The following REDIC1 variants were observed in gnomAD, a reference collection of about 807,000 sequenced individuals.
REDIC1 encodes HEI10 Interacting Protein 1.
At chr12:39,713,693 G>C in the REDIC1 span, among the ~76,000 whole-genome samples, 1 of 144,298 alleles carries the variant, frequency 6.9e-6, no homozygotes. Flanking sequence ...CTGTATACAT[G>C]CGTATATACA....
the REDIC1 span, chr12:39,646,933 A>G: frequency 3.4e-5 from 43 of 1,255,986 alleles, no homozygotes; most frequent in Non-Finnish European, 4.6e-5. Flanking sequence ...AGCAATTGTG[A>G]TATGCTACCT....
At chr12:39,781,836 C>A in the REDIC1 span, among the ~76,000 whole-genome samples, 4 of 152,148 alleles carry the variant, frequency 2.6e-5, no homozygotes, top group Admixed American at 2.6e-4. Flanking sequence ...GGCTCATATA[C>A]GGCCCTCACA....
At chr12:39,772,578 T>C in the REDIC1 span, among the ~76,000 whole-genome samples, 5 of 150,792 alleles carry the variant, frequency 3.3e-5, no homozygotes, top group Non-Finnish European at 7.4e-5. Flanking sequence ...TTTTGAGTCA[T>C]GAAGATTTAA....
At chr12:39,697,491 ACTC>A in the REDIC1 span, among the ~76,000 whole-genome samples, 1 of 152,252 alleles carries the variant, frequency 6.6e-6, no homozygotes, top group Non-Finnish European at 1.5e-5. Flanking sequence ...TGTGTAAACT[ACTC>A]ATATCTGAAG....
chr12:39,790,843 A>C, the REDIC1 span, among the ~76,000 whole-genome samples: 23 of 49,812 alleles, frequency 4.6e-4, no homozygotes, highest in African/African-American at 1.2e-3. Flanking sequence ...CCAACAGTGT[A>C]AAAGTGTTCC....
the REDIC1 span, among the ~76,000 whole-genome samples, chr12:39,858,436 G>T: frequency 6.6e-6 from 1 of 151,892 alleles, no homozygotes; most frequent in Non-Finnish European, 1.5e-5. Context: ...TCATTTTATA[G>T]GAAATTAGTA....
At chr12:39,896,213 T>A in the REDIC1 span, among the ~76,000 whole-genome samples, 1 of 148,680 alleles carries the variant, frequency 6.7e-6, no homozygotes, top group Non-Finnish European at 1.5e-5. Flanking sequence ...TACATGTATA[T>A]ACGTATACAT....
chr12:39,764,341 G>C, the REDIC1 span: 1 of 887,724 alleles, frequency 1.1e-6, no homozygotes, highest in Non-Finnish European at 1.6e-6. Context: ...AAGCCACATG[G>C]AGATACTTAT....
chr12:39,802,652 T>C, the REDIC1 span, among the ~76,000 whole-genome samples: 1 of 152,178 alleles, frequency 6.6e-6, no homozygotes, highest in Admixed American at 6.5e-5. Flanking sequence ...ACTATATGTA[T>C]ATATAGTTAC....
At chr12:39,824,385 A>AT in the REDIC1 span, among the ~76,000 whole-genome samples, 1 of 152,114 alleles carries the variant, frequency 6.6e-6, no homozygotes, top group Non-Finnish European at 1.5e-5. Flanking sequence ...GGTGGGTGGC[A>AT]TGAGCCAGAT....
At chr12:39,730,908 G>A in the REDIC1 span, among the ~76,000 whole-genome samples, 1 of 151,968 alleles carries the variant, frequency 6.6e-6, no homozygotes. Context: ...AGTTGATCTT[G>A]AATCTCTGAT....
the REDIC1 span, among the ~76,000 whole-genome samples, chr12:39,856,568 C>T: frequency 2.6e-5 from 4 of 152,074 alleles, no homozygotes; most frequent in Admixed American, 6.5e-5. Flanking sequence ...GGGGTTTCAC[C>T]GTGTTGGCCA....
At chr12:39,692,205 T>G in the REDIC1 span, 16 of 1,173,676 alleles carry the variant, frequency 1.4e-5, no homozygotes, top group Non-Finnish European at 1.7e-5. Flanking sequence ...TTTAGATGTT[T>G]GCCAACAAAT....
the REDIC1 span, among the ~76,000 whole-genome samples, chr12:39,804,048 A>G: frequency 6.6e-6 from 1 of 152,164 alleles, no homozygotes; most frequent in African/African-American, 2.4e-5. Context: ...ACAAGAAATA[A>G]TGAAAAAAAC....
the REDIC1 span, among the ~76,000 whole-genome samples, chr12:39,746,706 TG>T: frequency 1.3e-5 from 2 of 152,076 alleles, no homozygotes; most frequent in East Asian, 3.9e-4. Flanking sequence ...CTCACACGGC[TG>T]GGTGCCCCCC....
chr12:39,754,840 T>C, the REDIC1 span, among the ~76,000 whole-genome samples: 7 of 152,068 alleles, frequency 4.6e-5, no homozygotes, highest in Non-Finnish European at 1.0e-4. Flanking sequence ...AATTTTTAGG[T>C]ATTATAAAAT....
the REDIC1 span, among the ~76,000 whole-genome samples, chr12:39,670,124 C>A: frequency 1.3e-5 from 2 of 152,210 alleles, no homozygotes; most frequent in African/African-American, 4.8e-5. Context: ...CAGAAATCAC[C>A]TGTCTTCTGT....
At chr12:39,706,425 T>C in the REDIC1 span, among the ~76,000 whole-genome samples, 5 of 152,048 alleles carry the variant, frequency 3.3e-5, no homozygotes, top group African/African-American at 1.2e-4. Flanking sequence ...AAAATACCAA[T>C]GACATTATTA....
chr12:39,692,211 C>G, the REDIC1 span: 1 of 1,128,494 alleles, frequency 8.9e-7, no homozygotes, highest in Non-Finnish European at 1.2e-6. Context: ...TGTTTGCCAA[C>G]AAATATATAT....
Sources: gnomAD v4.1 joint callset for allele counts (sites outside exome capture counted in the v4.1 genomes callset) on GRCh38, gnomAD v4.1.1 for gene constraint, MANE v1.5 for transcripts, NCBI Gene and HGNC (gene_info 2026-07-23, HGNC 2026-07-21) for gene names.